The following KIAA0232 variants were observed in gnomAD, a reference collection of about 807,000 sequenced individuals.
KIAA0232 encodes KIAA0232.
KIAA0232 carries 27 observed loss-of-function variants against 122.0 expected under a neutral mutation model. The ratio of observed to expected loss-of-function variants is 0.22; its 90% CI spans 0.16 to 0.31. The LOEUF (loss-of-function observed/expected upper bound fraction) is 0.31, where lower values mean the gene tolerates loss of function less well. Among genes scored for constraint, KIAA0232 ranks in the 10% least tolerant of loss-of-function variants. The pLI, the probability that KIAA0232 is intolerant of heterozygous loss-of-function variation, is 1.00. For synonymous variants in KIAA0232, 613 were observed against 587.6 expected (o/e 1.04, Z -0.63); for missense variants, 1,551 against 1,634.2 (o/e 0.95, Z 0.88).
chr4:6,879,284 A>G (rs11933499), intron 9 of KIAA0232, among the ~76,000 whole-genome samples: 7,022 of 152,208 alleles, frequency 0.046, 515 homozygotes, highest in African/African-American at 0.16. Context: ...CTGTTCTGCA[A>G]AATAGGAAAG....
chr4:6,842,288 A>G lies in KIAA0232; in HGVS notation c.369+84A>G, dbSNP rs1363631551. 5 of 1,315,362 alleles carry G rather than the reference A, an allele frequency of 3.8e-6. No individual in the cohort carries two copies. In the African/African-American group the frequency reaches 6.1e-5, roughly 16 times the overall value. 81.5% of individuals were successfully genotyped at this position (1,315,362 alleles called of 1,614,324 possible). A position where few individuals can be genotyped will look rare whatever the true frequency, so the allele number is the denominator to read the frequency against. On this transcript the variant is annotated intron_variant, in intron 4 of 9. Coordinates refer to ENST00000307659, the MANE Select transcript of KIAA0232 (RefSeq NM_014743.3). ...TACAAATATGACAACTTGACCTCCA[A>G]AAACTGGGAAAACAAAGTACTTATT...
At chr4:6,822,176 T>G (rs1013467194) in intron 2 of KIAA0232, among the ~76,000 whole-genome samples, 8 of 152,176 alleles carry the variant, frequency 5.3e-5, no homozygotes, top group African/African-American at 1.7e-4. Context: ...TGGAAAATGT[T>G]TTGAAAGTCA....
chr4:6,836,114 ATCT>A lies in KIAA0232; in HGVS notation c.232-5949_232-5947del, dbSNP rs1219229455. 2.6e-5 allele frequency among the ~76,000 whole-genome samples: 4 copies of A among 152,192 alleles called. No individual in the cohort carries two copies. In the East Asian group the frequency reaches 5.8e-4, roughly 22 times the overall value. On this transcript the variant is annotated intron_variant, in intron 3 of 9. Transcript: ENST00000307659. ...TGTAGAAGCGTTCCTATCTCTCCAC[ATCT>A]TCTCCAGCATCTGTTGTTTCCTGAC...
chr4:6,831,256 A>T (rs1050787464), intron 3 of KIAA0232, among the ~76,000 whole-genome samples: 2 of 151,756 alleles, frequency 1.3e-5, no homozygotes, highest in Non-Finnish European at 2.9e-5. Context: ...GGGTTTCACT[A>T]TGTTGGTCAG....
At chr4:6,811,747 A>ATTTTTT (rs10709832) in intron 2 of KIAA0232, among the ~76,000 whole-genome samples, 6 of 103,930 alleles carry the variant, frequency 5.8e-5, no homozygotes, top group Non-Finnish European at 5.7e-5. Context: ...GCCTGGCCTA[A>ATTTTTT]TTTTTTTTTT....
chr4:6,850,496 A>G (rs1366059301), intron 4 of KIAA0232, among the ~76,000 whole-genome samples: 1 of 152,150 alleles, frequency 6.6e-6, no homozygotes, highest in African/African-American at 2.4e-5. Flanking sequence ...AACTTCTTTT[A>G]GTTAAAAATT....
At chr4:6,813,993 A>T (rs1388996226) in intron 2 of KIAA0232, among the ~76,000 whole-genome samples, 1 of 152,140 alleles carries the variant, frequency 6.6e-6, no homozygotes, top group East Asian at 1.9e-4. Context: ...GAGTTGTTCC[A>T]GCCTTTAGGG....
chr4:6,791,351 G>C (rs1013928583), intron 1 of KIAA0232, among the ~76,000 whole-genome samples: 2 of 116,926 alleles, frequency 1.7e-5, no homozygotes, highest in South Asian at 2.7e-4. Flanking sequence ...TTTGAGACAG[G>C]GTCTCATTCT....
intron 4 of KIAA0232, among the ~76,000 whole-genome samples, chr4:6,851,722 T>TAAAAAAAAAA (rs74937263): frequency 6.2e-5 from 6 of 97,226 alleles, no homozygotes; most frequent in African/African-American, 2.1e-4. Context: ...TCTCAAAAAT[T>TAAAAAAAAAA]AAAAAAAAAA....
intron 8 of KIAA0232, among the ~76,000 whole-genome samples, chr4:6,872,455 T>C (rs796793479): frequency 5.9e-5 from 9 of 152,128 alleles, no homozygotes; most frequent in African/African-American, 2.2e-4. Flanking sequence ...GTGAGGAAGA[T>C]TTTAGTTTAG....
intron 1 of KIAA0232, among the ~76,000 whole-genome samples, chr4:6,791,698 G>C (rs185099232): frequency 1.2e-3 from 181 of 152,100 alleles, no homozygotes; most frequent in African/African-American, 4.1e-3. Context: ...TATTCATCTT[G>C]CCTTGAAGAC....
intron 1 of KIAA0232, among the ~76,000 whole-genome samples, chr4:6,790,255 C>T (rs1405693392): frequency 2.0e-5 from 3 of 152,044 alleles, no homozygotes; most frequent in African/African-American, 7.2e-5. Flanking sequence ...GTCTCTTCCT[C>T]AGTGTTGCCC....
At chr4:6,790,915 C>CTTTT (rs35766310) in intron 1 of KIAA0232, among the ~76,000 whole-genome samples, 104 of 92,938 alleles carry the variant, frequency 1.1e-3, no homozygotes, top group African/African-American at 2.5e-3. Context: ...TTTTTATATA[C>CTTTT]TTTTTTTTTT....
intron 9 of KIAA0232, among the ~76,000 whole-genome samples, chr4:6,879,824 G>GC (rs36145176): frequency 7.1e-5 from 2 of 28,224 alleles, no homozygotes; most frequent in East Asian, 6.4e-4. Flanking sequence ...CATCTGCAGT[G>GC]CCCCCCCTCA....
At chr4:6,849,118 A>G (rs1560191647) in intron 4 of KIAA0232, among the ~76,000 whole-genome samples, 1 of 152,192 alleles carries the variant, frequency 6.6e-6, no homozygotes, top group Non-Finnish European at 1.5e-5. Flanking sequence ...CACTGAGACT[A>G]ACTAAACACG....
intron 4 of KIAA0232, among the ~76,000 whole-genome samples, chr4:6,854,571 CT>C (rs1325341498): frequency 6.6e-6 from 1 of 152,206 alleles, no homozygotes; most frequent in Non-Finnish European, 1.5e-5. Flanking sequence ...TGTCCTGAAA[CT>C]TGCCAGCGTC....
intron 8 of KIAA0232, among the ~76,000 whole-genome samples, chr4:6,874,413 G>A (rs968726482): frequency 6.6e-6 from 1 of 152,176 alleles, no homozygotes; most frequent in African/African-American, 2.4e-5. Flanking sequence ...GGGATGGCAT[G>A]GGAGTGTGGT....
chr4:6,839,538 G>A lies in KIAA0232; in HGVS notation c.232-2529G>A, dbSNP rs138429259. On this transcript the variant is annotated intron_variant, in intron 3 of 9. Transcript: ENST00000307659. Reference sequence around the variant, plus strand: ...TAGGGATGGTCCCTGAGTGACAACTGCCAGTTTAGGAATCACCTTGAAGGA... The same window carrying A: ...TAGGGATGGTCCCTGAGTGACAACTACCAGTTTAGGAATCACCTTGAAGGA... 4.6e-5 allele frequency among the ~76,000 whole-genome samples: 7 copies of A among 152,324 alleles called. No homozygotes were observed. In the East Asian group the frequency reaches 1.3e-3, roughly 29 times the overall value.
intron 9 of KIAA0232, 31 bp downstream of exon 9, chr4:6,876,788 A>T: frequency 6.9e-7 from 1 of 1,453,972 alleles, no homozygotes. Context: ...CTCGTCATTA[A>T]CTTACAAACA....
Sources: gnomAD v4.1 joint callset for allele counts (sites outside exome capture counted in the v4.1 genomes callset) on GRCh38, gnomAD v4.1.1 for gene constraint, MANE v1.5 for transcripts, NCBI Gene and HGNC (gene_info 2026-07-23, HGNC 2026-07-21) for gene names.